TMEM163: variants seen among roughly 807,000 people sequenced by gnomAD.
TMEM163 encodes transmembrane protein 163.
In TMEM163, 17 loss-of-function variants were observed where a neutral mutation model predicts 29.3. The observed-to-expected ratio is 0.58, with a 90% confidence interval of 0.40 to 0.87. TMEM163 has a LOEUF of 0.87. TMEM163 is among the 40% of genes least tolerant of loss of function. TMEM163 has a pLI of 0.00. For missense variants in TMEM163, 303 were observed against 381.5 expected, an observed-to-expected ratio of 0.79 and a Z score of 1.71; for synonymous variants, 157 against 160.6, an observed-to-expected ratio of 0.98 and a Z score of 0.17.
chr2:134,600,346 A>C (rs1266596213), intron 2 of TMEM163, among the ~76,000 whole-genome samples: 1 of 152,216 alleles, frequency 6.6e-6, no homozygotes, highest in Non-Finnish European at 1.5e-5. Context: ...AATGGCATAA[A>C]AAATCTTGTC....
intron 2 of TMEM163, among the ~76,000 whole-genome samples, chr2:134,561,932 A>G (rs912690994): frequency 6.6e-6 from 1 of 152,206 alleles, no homozygotes; most frequent in African/African-American, 2.4e-5. Flanking sequence ...TAAAACATAC[A>G]TTTTAAAGCC....
At chr2:134,588,289 A>G (rs1681864683) in intron 2 of TMEM163, among the ~76,000 whole-genome samples, 2 of 152,230 alleles carry the variant, frequency 1.3e-5, no homozygotes, top group African/African-American at 4.8e-5. Flanking sequence ...GAGTCAGACA[A>G]TAAGAAAGGA....
intron 2 of TMEM163, among the ~76,000 whole-genome samples, chr2:134,689,166 TG>T (rs1684410442): frequency 6.7e-6 from 1 of 148,374 alleles, no homozygotes; most frequent in African/African-American, 2.5e-5. Flanking sequence ...TGGAGTGCAA[TG>T]GCATGATCTT....
intron 4 of TMEM163, among the ~76,000 whole-genome samples, chr2:134,537,399 G>T (rs189405637): frequency 3.3e-5 from 5 of 152,278 alleles, no homozygotes; most frequent in African/African-American, 1.2e-4. Context: ...CCTCCTCCTG[G>T]CTCACAGACT....
intron 5 of TMEM163, among the ~76,000 whole-genome samples, chr2:134,500,760 C>T (rs563077937): frequency 3.3e-5 from 5 of 151,700 alleles, no homozygotes; most frequent in East Asian, 1.9e-4. Context: ...CACTCATGTG[C>T]GAATTAGAAA....
intron 5 of TMEM163, among the ~76,000 whole-genome samples, chr2:134,481,625 G>A (rs1482247293): frequency 6.6e-6 from 1 of 152,076 alleles, no homozygotes; most frequent in Non-Finnish European, 1.5e-5. Flanking sequence ...CGTGAAAATG[G>A]ACTAATATAC....
intron 2 of TMEM163, among the ~76,000 whole-genome samples, chr2:134,677,256 C>A (rs568878245): frequency 6.6e-6 from 1 of 152,160 alleles, no homozygotes; most frequent in African/African-American, 2.4e-5. Context: ...CGCTGGCCTG[C>A]GACATGGAGC....
chr2:134,634,999 A>G (rs1683072639), intron 2 of TMEM163, among the ~76,000 whole-genome samples: 1 of 152,252 alleles, frequency 6.6e-6, no homozygotes, highest in Non-Finnish European at 1.5e-5. Flanking sequence ...CAGCCAGAAG[A>G]ATCTCAAGTG....
intron 4 of TMEM163, among the ~76,000 whole-genome samples, chr2:134,549,094 T>C (rs1158610750): frequency 2.3e-5 from 3 of 129,798 alleles, no homozygotes; most frequent in Non-Finnish European, 4.7e-5. Flanking sequence ...AGTTTGATTC[T>C]TAATTTGTTA....
chr2:134,683,865 G>A (rs1684300872), intron 2 of TMEM163, among the ~76,000 whole-genome samples: 1 of 152,168 alleles, frequency 6.6e-6, no homozygotes, highest in Non-Finnish European at 1.5e-5. Flanking sequence ...ATCATTGGGG[G>A]AAACACAGAA....
intron 6 of TMEM163, among the ~76,000 whole-genome samples, chr2:134,462,348 G>A (rs961416983): frequency 6.6e-6 from 1 of 152,048 alleles, no homozygotes; most frequent in African/African-American, 2.4e-5. Flanking sequence ...TGACCAGAGG[G>A]CTCTGCAGAA....
At chr2:134,634,787 T>C (rs979102950) in intron 2 of TMEM163, among the ~76,000 whole-genome samples, 1 of 152,262 alleles carries the variant, frequency 6.6e-6, no homozygotes, top group African/African-American at 2.4e-5. Context: ...CAAATCTCAA[T>C]AAAACTTTAT....
intron 4 of TMEM163, among the ~76,000 whole-genome samples, chr2:134,540,237 C>T (rs1680636750): frequency 6.6e-6 from 1 of 152,218 alleles, no homozygotes; most frequent in Non-Finnish European, 1.5e-5. Context: ...ATGGCAAAGC[C>T]ACAGGGCTGC....
chr2:134,559,157 C>T (rs943115778), intron 2 of TMEM163, among the ~76,000 whole-genome samples: 2 of 152,176 alleles, frequency 1.3e-5, no homozygotes, highest in Admixed American at 6.5e-5. Context: ...GCCAATGCTA[C>T]GTTCAGATGA....
intron 2 of TMEM163, among the ~76,000 whole-genome samples, chr2:134,688,130 C>G (rs1001062622): frequency 6.6e-6 from 1 of 152,174 alleles, no homozygotes; most frequent in Non-Finnish European, 1.5e-5. Flanking sequence ...ACACTGCTGT[C>G]ATCTCCAATG....
At chr2:134,638,293 T>C (rs4954156) in intron 2 of TMEM163, among the ~76,000 whole-genome samples, 97,207 of 152,138 alleles carry the variant, frequency 0.64, 32,216 homozygotes, top group African/African-American at 0.77. Context: ...TTACAAAACA[T>C]GACAGCAAAC....
chr2:134,634,485 G>C (rs1290466982), intron 2 of TMEM163, among the ~76,000 whole-genome samples: 1 of 152,200 alleles, frequency 6.6e-6, no homozygotes, highest in Non-Finnish European at 1.5e-5. Context: ...ACCCAGACTG[G>C]AGGACCACAA....
chr2:134,515,664 A>C (rs1680041961), intron 4 of TMEM163, among the ~76,000 whole-genome samples: 1 of 152,230 alleles, frequency 6.6e-6, no homozygotes, highest in Non-Finnish European at 1.5e-5. Context: ...TCAGTTGACT[A>C]TCAGATGCCA....
rs774110059 is a variant in TMEM163, at chr2:134,601,070, TTATATA to T, written c.323-48985_323-48980del. ...TGCTTTCACAGTAAAAATATATACTTTATATATATAAAGTATATCTATTGTCTAGTT... is the reference window on the plus strand; with the variant it reads ...TGCTTTCACAGTAAAAATATATACTTTATAAAGTATATCTATTGTCTAGTT... On this transcript the variant is annotated intron_variant, in intron 2 of 7. Transcript: ENST00000281924. Among the ~76,000 whole-genome samples, 5 of 152,084 alleles carry T rather than the reference TTATATA, an allele frequency of 3.3e-5. 1 individual carries two copies. In the South Asian group the frequency reaches 6.2e-4, roughly 19 times the overall value.
Sources: gnomAD v4.1 joint callset for allele counts (sites outside exome capture counted in the v4.1 genomes callset) on GRCh38, gnomAD v4.1.1 for gene constraint, MANE v1.5 for transcripts, NCBI Gene and HGNC (gene_info 2026-07-23, HGNC 2026-07-21) for gene names.